The following TENM3 variants were observed in gnomAD, a reference collection of about 807,000 sequenced individuals.
TENM3 encodes teneurin-3.
A neutral mutation model predicts 255.1 loss-of-function variants in TENM3; 63 were observed. The ratio of observed to expected loss-of-function variants is 0.25; its 90% confidence interval spans 0.20 to 0.30. The LOEUF (loss-of-function observed/expected upper bound fraction) is 0.30, where lower values mean the gene tolerates loss of function less well. Ranked by LOEUF, TENM3 falls within the 10% of genes least tolerant of loss-of-function variation. TENM3 has a pLI of 1.00. For synonymous variants in TENM3, 1,306 were observed against 1,322.3 expected (o/e 0.99, Z 0.27); for missense variants, 2,929 against 3,461.1 (o/e 0.85, Z 3.86).
chr4:182,223,740 T>C (rs1755980536), intron 1 of TENM3, among the ~76,000 whole-genome samples: 1 of 125,020 alleles, frequency 8.0e-6, no homozygotes, highest in African/African-American at 3.1e-5. Context: ...TTTGCGTGTA[T>C]GAATATAATC....
the TENM3 span, among the ~76,000 whole-genome samples, chr4:181,683,840 G>A: frequency 6.6e-6 from 1 of 152,106 alleles, no homozygotes; most frequent in Non-Finnish European, 1.5e-5. Context: ...CCCTTGTTTT[G>A]AGATCAGGAA....
chr4:182,481,644 A>G (rs1734215841), intron 3 of TENM3, among the ~76,000 whole-genome samples: 1 of 152,100 alleles, frequency 6.6e-6, no homozygotes, highest in Admixed American at 6.5e-5. Flanking sequence ...AAATACACAA[A>G]ATTAGCCAGG....
the TENM3 span, among the ~76,000 whole-genome samples, chr4:181,660,801 G>A: frequency 6.6e-6 from 1 of 152,082 alleles, no homozygotes; most frequent in African/African-American, 2.4e-5. Context: ...GAGGCATTAT[G>A]GATGGATGAA....
intron 3 of TENM3, among the ~76,000 whole-genome samples, chr4:182,395,082 T>G (rs190958817): frequency 6.6e-6 from 1 of 152,346 alleles, no homozygotes; most frequent in East Asian, 1.9e-4. Flanking sequence ...TGGAGCTGTG[T>G]GCACACAGAA....
chr4:182,568,359 G>A (rs1196576013), intron 3 of TENM3, among the ~76,000 whole-genome samples: 1 of 152,190 alleles, frequency 6.6e-6, no homozygotes, highest in Non-Finnish European at 1.5e-5. Flanking sequence ...TAGTAAAGAG[G>A]TATCTGAAAG....
At chr4:182,223,069 G>T (rs1561214316) in intron 1 of TENM3, among the ~76,000 whole-genome samples, 1 of 152,162 alleles carries the variant, frequency 6.6e-6, no homozygotes, top group Non-Finnish European at 1.5e-5. Flanking sequence ...CATGCATTCA[G>T]CAGCTTGTCA....
chr4:182,591,493 T>G (rs1746645707), intron 3 of TENM3, among the ~76,000 whole-genome samples: 1 of 152,222 alleles, frequency 6.6e-6, no homozygotes, highest in African/African-American at 2.4e-5. Context: ...TACAATCAAT[T>G]GATGATGAAG....
intron 3 of TENM3, among the ~76,000 whole-genome samples, chr4:182,445,676 C>G (rs1243567023): frequency 6.6e-6 from 1 of 151,798 alleles, no homozygotes; most frequent in African/African-American, 2.4e-5. Flanking sequence ...AAATCTTCCT[C>G]GTGGTGTTCG....
chr4:182,755,364 G>A (rs1445899490), intron 22 of TENM3, 105 bp downstream of exon 22: 5 of 1,153,360 alleles, frequency 4.3e-6, no homozygotes, highest in Middle Eastern at 3.0e-4. Context: ...ATGTTTTTGA[G>A]AGTCTAGAGC....
chr4:182,024,023 A>G, the TENM3 span, among the ~76,000 whole-genome samples: 4 of 152,212 alleles, frequency 2.6e-5, no homozygotes, highest in Non-Finnish European at 5.9e-5. Context: ...GAACATTGCA[A>G]TAATGCACTC....
chr4:181,902,444 A>G, the TENM3 span, among the ~76,000 whole-genome samples: 1 of 152,172 alleles, frequency 6.6e-6, no homozygotes, highest in African/African-American at 2.4e-5. Flanking sequence ...AGGATTGTAG[A>G]TCATTCTACT....
At chr4:182,551,640 C>T (rs1742034474) in intron 3 of TENM3, among the ~76,000 whole-genome samples, 1 of 152,060 alleles carries the variant, frequency 6.6e-6, no homozygotes, top group Non-Finnish European at 1.5e-5. Context: ...TTTCATCTGA[C>T]TTAATATGAC....
chr4:181,474,455 G>A, the TENM3 span, among the ~76,000 whole-genome samples: 2 of 152,046 alleles, frequency 1.3e-5, no homozygotes, highest in Non-Finnish European at 2.9e-5. Flanking sequence ...GAAAGTTTCT[G>A]GCTGGGCACG....
At chr4:182,401,475 G>A (rs939639080) in intron 3 of TENM3, among the ~76,000 whole-genome samples, 4 of 152,042 alleles carry the variant, frequency 2.6e-5, no homozygotes, top group Admixed American at 6.5e-5. Flanking sequence ...TGCTCATTTC[G>A]TCCTAAATGA....
chr4:181,703,423 A>T, the TENM3 span, among the ~76,000 whole-genome samples: 1 of 152,204 alleles, frequency 6.6e-6, no homozygotes, highest in Non-Finnish European at 1.5e-5. Flanking sequence ...CATAGTTTTA[A>T]CGTAAATGGT....
At chr4:182,386,629 T>A (rs1246058838) in intron 3 of TENM3, among the ~76,000 whole-genome samples, 1 of 147,816 alleles carries the variant, frequency 6.8e-6, no homozygotes, top group Non-Finnish European at 1.5e-5. Flanking sequence ...CGGGTGGGCG[T>A]GGGCTTGGCG....
chr4:182,546,104 G>T (rs144628428), intron 3 of TENM3, among the ~76,000 whole-genome samples: 4 of 152,256 alleles, frequency 2.6e-5, no homozygotes, highest in African/African-American at 9.6e-5. Flanking sequence ...AGTGGAAGTG[G>T]GTCATCACAA....
chr4:182,114,723 G>C, the TENM3 span, among the ~76,000 whole-genome samples: 2 of 152,196 alleles, frequency 1.3e-5, no homozygotes, highest in African/African-American at 4.8e-5. Flanking sequence ...CCCCATTTTA[G>C]AGATAACACT....
At chr4:181,826,224 G>T in the TENM3 span, among the ~76,000 whole-genome samples, 1 of 152,014 alleles carries the variant, frequency 6.6e-6, no homozygotes, top group East Asian at 1.9e-4. Context: ...AGTTAACCTT[G>T]AAATGAATAG....
Sources: gnomAD v4.1 joint callset for allele counts (sites outside exome capture counted in the v4.1 genomes callset) on GRCh38, gnomAD v4.1.1 for gene constraint, MANE v1.5 for transcripts, NCBI Gene and HGNC (gene_info 2026-07-23, HGNC 2026-07-21) for gene names.